The following LGR6 variants were observed in gnomAD, a reference collection of about 807,000 sequenced individuals.
The protein encoded by LGR6 is leucine rich repeat containing G protein-coupled receptor 6.
A neutral mutation model predicts 69.4 loss-of-function variants in LGR6; 45 were observed. That is an observed-to-expected ratio of 0.65 (90% CI 0.51 to 0.83). The LOEUF (loss-of-function observed/expected upper bound fraction) is 0.83, where lower values mean the gene tolerates loss of function less well. LGR6 is among the 40% of genes least tolerant of loss of function. LGR6 has a pLI of 0.00. For missense variants in LGR6, 1,108 were observed against 1,246.7 expected (o/e 0.89, Z 1.68); for synonymous variants, 538 against 555.0 (o/e 0.97, Z 0.43).
chr1:202,195,006 G>A (rs1467355512), intron 1 of LGR6, among the ~76,000 whole-genome samples: 3 of 152,234 alleles, frequency 2.0e-5, no homozygotes, highest in Non-Finnish European at 4.4e-5. Flanking sequence ...CAGAGCTGGA[G>A]GGCTGGGGGC....
At chr1:202,224,931 G>A (rs796850920) in intron 1 of LGR6, among the ~76,000 whole-genome samples, 10 of 152,318 alleles carry the variant, frequency 6.6e-5, no homozygotes, top group East Asian at 5.8e-4. Flanking sequence ...AGGGACAGTC[G>A]TACCAGTTCA....
At chr1:202,252,321 C>A (rs1280420187) in intron 4 of LGR6, among the ~76,000 whole-genome samples, 1 of 152,152 alleles carries the variant, frequency 6.6e-6, no homozygotes, top group Non-Finnish European at 1.5e-5. Flanking sequence ...ATACTGCCTG[C>A]ATCAATACAG....
intron 1 of LGR6, among the ~76,000 whole-genome samples, chr1:202,204,413 CCA>C (rs1491224258): frequency 6.1e-4 from 71 of 116,340 alleles, no homozygotes; most frequent in East Asian, 1.7e-3. Flanking sequence ...CAAACACACA[CCA>C]CACACACACC....
rs757110110 is a variant in LGR6 at position 202,318,016 on chromosome 1, C to A, written c.1713C>A (p.Ile571=). The A allele has an allele frequency of 6.2e-7, 1 of 1,614,076 alleles. No homozygotes were observed. The highest frequency in any genetic ancestry group is 8.5e-7 in the Non-Finnish European group (1 of 1,180,030). Residue 571 remains isoleucine (I), a synonymous_variant, in exon 18 of 18, where the codon ATC becomes ATA. Transcript: ENST00000367278. ...GCATCCGCCTGGCCGTGTGGGCCAT[C>A]GTGTTGCTCTCCGTGCTCTGCAATG... is the stretch of plus-strand genomic sequence containing the variant. ...SWGIRLAVWA[I]VLLSVLCNGL...
intron 6 of LGR6, among the ~76,000 whole-genome samples, chr1:202,296,625 CCT>C (rs1330377478): frequency 1.3e-5 from 2 of 152,152 alleles, no homozygotes; most frequent in East Asian, 3.9e-4. Flanking sequence ...CTTCTCTTGC[CCT>C]GTCATCTCCA....
At chr1:202,250,098 G>C (rs1052308457) in intron 4 of LGR6, among the ~76,000 whole-genome samples, 1 of 152,186 alleles carries the variant, frequency 6.6e-6, no homozygotes, top group Non-Finnish European at 1.5e-5. Context: ...TGGGCGTGCA[G>C]CCTGTGCTCC....
At chr1:202,254,877 A>G (rs1377307967) in intron 4 of LGR6, among the ~76,000 whole-genome samples, 2 of 149,670 alleles carry the variant, frequency 1.3e-5, no homozygotes, top group African/African-American at 4.9e-5. Context: ...GGGCTGTAAC[A>G]ATAGTTGAGA....
At chr1:202,303,546 G>A (rs1034688022) in intron 10 of LGR6, among the ~76,000 whole-genome samples, 199 bp downstream of exon 10, 9 of 152,234 alleles carry the variant, frequency 5.9e-5, no homozygotes, top group Non-Finnish European at 2.9e-5. Flanking sequence ...TGGGATGGCA[G>A]TGAGGAGGCT....
intron 4 of LGR6, among the ~76,000 whole-genome samples, chr1:202,239,168 C>T (rs1391501584): frequency 1.3e-5 from 2 of 152,284 alleles, no homozygotes; most frequent in African/African-American, 2.4e-5. Context: ...TCTTTTCCTG[C>T]TTCTGCTGTC....
At chr1:202,208,895 GC>G (rs1395034964) in intron 1 of LGR6, among the ~76,000 whole-genome samples, 2 of 152,116 alleles carry the variant, frequency 1.3e-5, no homozygotes, top group African/African-American at 4.8e-5. Flanking sequence ...TGAGCAAATG[GC>G]CCTAGAGCCA....
At chr1:202,211,901 G>A (rs1432536321) in intron 1 of LGR6, among the ~76,000 whole-genome samples, 1 of 152,206 alleles carries the variant, frequency 6.6e-6, no homozygotes, top group African/African-American at 2.4e-5. Flanking sequence ...GGCTGTGCCT[G>A]TGTTTTGAAC....
At chr1:202,254,540 T>A (rs1166636099) in intron 4 of LGR6, among the ~76,000 whole-genome samples, 1 of 152,240 alleles carries the variant, frequency 6.6e-6, no homozygotes. Flanking sequence ...TATGTTTGCA[T>A]TCTGCAGATC....
At chr1:202,290,732 T>C (rs1666736238) in intron 6 of LGR6, among the ~76,000 whole-genome samples, 1 of 152,052 alleles carries the variant, frequency 6.6e-6, no homozygotes, top group Non-Finnish European at 1.5e-5. Flanking sequence ...GGTGTGGTGG[T>C]GCATGCCTGT....
chr1:202,201,855 C>T (rs940948337), intron 1 of LGR6, among the ~76,000 whole-genome samples: 9 of 152,264 alleles, frequency 5.9e-5, no homozygotes, highest in Middle Eastern at 6.8e-3. Flanking sequence ...GAGGGTAAGA[C>T]GGAATCCTTG....
chr1:202,249,468 A>G (rs1471136430), intron 4 of LGR6, among the ~76,000 whole-genome samples: 1 of 152,124 alleles, frequency 6.6e-6, no homozygotes. Flanking sequence ...GGACTCAGTA[A>G]CTACCTGTGT....
intron 4 of LGR6, among the ~76,000 whole-genome samples, chr1:202,251,621 C>T (rs1199634820): frequency 2.0e-5 from 3 of 152,194 alleles, no homozygotes; most frequent in African/African-American, 4.8e-5. Flanking sequence ...CTGTCAGCTG[C>T]AGCTGACAGG....
intron 6 of LGR6, among the ~76,000 whole-genome samples, chr1:202,282,310 G>A (rs528331089): frequency 6.6e-6 from 1 of 152,330 alleles, no homozygotes; most frequent in South Asian, 2.1e-4. Flanking sequence ...GTCCGGGGAG[G>A]TGTCATGGCC....
At chr1:202,265,104 T>C (rs2148119472) in intron 4 of LGR6, among the ~76,000 whole-genome samples, 1 of 152,286 alleles carries the variant, frequency 6.6e-6, no homozygotes, top group Non-Finnish European at 1.5e-5. Context: ...AAAGTGCTGC[T>C]CTAGCTCCCA....
rs376357186 is a variant in LGR6, at chr1:202,276,392, A to C, written c.515A>C (p.Asn172Thr). The change falls in exon 5 of 18, where the codon AAT becomes ACT. Residue 172 changes from asparagine (N) to threonine (T), a missense_variant. Asn to Thr is a moderately conservative substitution (Grantham distance 65). Coordinates refer to ENST00000367278, the MANE Select transcript of LGR6 (RefSeq NM_001017403.2). ...CTCCGCCACCTCTGGCTGGACGACA[A>C]TGCACTCACGGAGATCCCTGTCAGG... ...SSLRHLWLDD[N>T]ALTEIPVRAL... 1.2e-6 allele frequency: 2 copies of C among 1,614,108 alleles called. No homozygotes were observed. The highest frequency in any genetic ancestry group is 1.7e-6 in the Non-Finnish European group (2 of 1,180,008).
Sources: gnomAD v4.1 joint callset for allele counts (sites outside exome capture counted in the v4.1 genomes callset) on GRCh38, gnomAD v4.1.1 for gene constraint, MANE v1.5 for transcripts, NCBI Gene and HGNC (gene_info 2026-07-23, HGNC 2026-07-21) for gene names.